GSPT1: variants seen among roughly 807,000 people sequenced by gnomAD.
GSPT1 encodes eukaryotic peptide chain release factor GTP-binding subunit ERF3A.
GSPT1 carries 20 observed loss-of-function variants against 72.5 expected under a neutral mutation model. The ratio of observed to expected loss-of-function variants is 0.28; its 90% CI spans 0.19 to 0.40. The LOEUF is 0.40. Ranked by LOEUF, GSPT1 falls within the 10% of genes least tolerant of loss-of-function variation. The pLI, the probability that GSPT1 is intolerant of heterozygous loss-of-function variation, is 1.00. For synonymous variants in GSPT1, 334 were observed against 293.5 expected, an observed-to-expected ratio of 1.14 and a Z score of -1.41; for missense variants, 580 against 811.9, an observed-to-expected ratio of 0.71 and a Z score of 3.47.
chr16:11,902,253 G>C (rs1367893506), intron 1 of GSPT1, among the ~76,000 whole-genome samples: 1 of 150,786 alleles, frequency 6.6e-6, no homozygotes, highest in African/African-American at 2.4e-5. Flanking sequence ...TTGGTGGCGG[G>C]CACCTGTAAT....
upstream of GSPT1, among the ~76,000 whole-genome samples, chr16:11,916,587 A>C (rs464017): frequency 0.063 from 9,558 of 152,204 alleles, 379 homozygotes; most frequent in South Asian, 0.16. Flanking sequence ...AGCTGATTTC[A>C]TTTTATGTAA....
At chr16:11,891,265 G>A in intron 5 of GSPT1, 126 bp from the exon 6 acceptor site, 1 of 323,862 alleles carries the variant, frequency 3.1e-6, no homozygotes, top group South Asian at 6.0e-5. Flanking sequence ...GTGTGTGTCT[G>A]TCTAAAAAAA....
chr16:11,902,046 A>T (rs1596472221), intron 1 of GSPT1, among the ~76,000 whole-genome samples: 1 of 149,720 alleles, frequency 6.7e-6, no homozygotes, highest in Non-Finnish European at 1.5e-5. Context: ...CTGAGATTGC[A>T]CCATCGCACT....
At position 11,873,084 on chromosome 16, in the gene GSPT1, C is replaced by A; in HGVS notation, c.*35G>T. On this transcript the variant is annotated 3_prime_UTR_variant, in exon 15 of 15. Transcript: ENST00000434724. The stretch of plus-strand genomic sequence containing the variant: ...GAAGTAGGCTTCTGCAGTCAATTTT[C>A]CTCACAGTATTGTGCAGGGTCATCA... 1 of 1,322,434 alleles carries A rather than the reference C, an allele frequency of 7.6e-7. No individual in the cohort carries two copies. The highest frequency in any genetic ancestry group is 1.1e-6 in the Non-Finnish European group (1 of 928,472). 81.9% of individuals were successfully genotyped at this position (1,322,434 alleles called of 1,614,324 possible).
At chr16:11,904,976 G>A (rs1365121390) in intron 1 of GSPT1, among the ~76,000 whole-genome samples, 7 of 152,158 alleles carry the variant, frequency 4.6e-5, no homozygotes, top group African/African-American at 1.4e-4. Context: ...TCCCACGCAG[G>A]AGAATCACTG....
chr16:11,869,862 G>A lies in GSPT1; in HGVS notation c.*3257C>T, dbSNP rs183463725. 30 of 152,242 alleles carry A rather than the reference G, an allele frequency of 2.0e-4. No homozygotes were observed. Among genetic ancestry groups the A allele is most frequent in the Admixed American group, 1.7e-3 (26 of 15,274 alleles). 9.4% of individuals were successfully genotyped at this position (152,242 alleles called of 1,614,324 possible). A position where few individuals can be genotyped will look rare whatever the true frequency, so the allele number is the denominator to read the frequency against. ...TCTTGGGAGCAGTTTTTGATCATAGGTTCAACTTTTTTCTTGGGTTGCAAA... is the reference window on the plus strand; with the variant it reads ...TCTTGGGAGCAGTTTTTGATCATAGATTCAACTTTTTTCTTGGGTTGCAAA... On this transcript the variant is annotated 3_prime_UTR_variant, in exon 15 of 15. Coordinates refer to ENST00000434724, the MANE Select transcript of GSPT1 (RefSeq NM_002094.4).
intron 1 of GSPT1, among the ~76,000 whole-genome samples, chr16:11,913,649 A>C (rs1245805259): frequency 6.6e-6 from 1 of 152,220 alleles, no homozygotes; most frequent in African/African-American, 2.4e-5. Flanking sequence ...CTCCACAGAA[A>C]GGAGGAAGAG....
intron 1 of GSPT1, among the ~76,000 whole-genome samples, chr16:11,905,489 G>A (rs1272104794): frequency 1.3e-5 from 2 of 152,070 alleles, no homozygotes; most frequent in Non-Finnish European, 2.9e-5. Flanking sequence ...CTACCCTGAA[G>A]GGCTAATGAT....
Position 11,894,989 on chromosome 16 carries a change from TA to T in GSPT1, c.665-3del. ...CTCCAATGGTTGACTTGCCAGCATC[TA>T]AAAGTAACATCAACATGCAAACCAT... On this transcript the variant is annotated splice_region_variant and splice_polypyrimidine_tract_variant and intron_variant, in intron 4 of 14. Coordinates refer to ENST00000434724, the MANE Select transcript of GSPT1 (RefSeq NM_002094.4). 1.3e-6 allele frequency: 2 copies of T among 1,586,690 alleles called. No individual in the cohort carries two copies. Among genetic ancestry groups the T allele is most frequent in the South Asian group, 1.1e-5 (1 of 88,072 alleles).
rs949339842 is a variant in GSPT1, at chr16:11,877,061, A to C, written c.1602+346T>G. Reference sequence around the variant, plus strand: ...AAACCTGTGTGATTTCTTGTCTGGAAAGCTATGTGCTGTCAATGAGCACAT... The same window carrying C: ...AAACCTGTGTGATTTCTTGTCTGGACAGCTATGTGCTGTCAATGAGCACAT... On this transcript the variant is annotated intron_variant, in intron 12 of 14. Transcript: ENST00000434724. The surrounding 1 kb of genome is among the most constrained non-coding windows in gnomAD (Gnocchi z 4.0). Among the ~76,000 whole-genome samples, 8 of 152,230 alleles carry C rather than the reference A, an allele frequency of 5.3e-5. No individual in the cohort carries two copies. Among genetic ancestry groups the C allele is most frequent in the Non-Finnish European group, 1.0e-4 (7 of 68,048 alleles).
intron 1 of GSPT1, chr16:11,914,858 G>A (rs2054609209): frequency 6.4e-6 from 3 of 469,440 alleles, no homozygotes; most frequent in African/African-American, 2.0e-5. Context: ...GGGGGCCACG[G>A]ACAGTTTAAA....
intron 11 of GSPT1, among the ~76,000 whole-genome samples, chr16:11,879,945 T>C (rs554272727): frequency 2.4e-4 from 36 of 152,296 alleles, no homozygotes; most frequent in African/African-American, 8.4e-4. Flanking sequence ...ATTTAAAATA[T>C]TGTACAACCA....
intron 3 of GSPT1, among the ~76,000 whole-genome samples, chr16:11,897,611 G>T (rs1209866582): frequency 1.3e-5 from 2 of 152,040 alleles, no homozygotes; most frequent in African/African-American, 2.4e-5. Flanking sequence ...ACAGGTACAG[G>T]TATTTAAATT....
intron 11 of GSPT1, 123 bp downstream of exon 11, chr16:11,882,892 G>A: frequency 1.6e-6 from 1 of 628,604 alleles, no homozygotes; most frequent in South Asian, 2.0e-5. Context: ...GAAAGTTTGA[G>A]GCTGCAATAA....
At chr16:11,874,675 G>A (rs1177387585) in intron 14 of GSPT1, among the ~76,000 whole-genome samples, 1 of 151,986 alleles carries the variant, frequency 6.6e-6, no homozygotes, top group Non-Finnish European at 1.5e-5. Flanking sequence ...GGCCTTTAAA[G>A]TAAAATAAAC....
Position 11,873,051 on chromosome 16 carries a change from G to A in GSPT1, c.*68C>T, listed in dbSNP as rs1200681354. 1.2e-5 allele frequency: 10 copies of A among 822,172 alleles called. No homozygotes were observed. Among genetic ancestry groups the A allele is most frequent in the Non-Finnish European group, 1.6e-5 (8 of 492,188 alleles). The allele number at this position is 822,172 out of a possible 1,614,324, so 50.9% of individuals were successfully genotyped here. On this transcript the variant is annotated 3_prime_UTR_variant, in exon 15 of 15. Coordinates refer to ENST00000434724, the MANE Select transcript of GSPT1 (RefSeq NM_002094.4). ...TATCAATGGGCAGAAAATAAGAGAA[G>A]GCGGTGTGAAGTAGGCTTCTGCAGT...
At chr16:11,897,314 T>C (rs1194823731) in intron 3 of GSPT1, among the ~76,000 whole-genome samples, 5 of 152,016 alleles carry the variant, frequency 3.3e-5, no homozygotes, top group Admixed American at 2.0e-4. Context: ...TGGCCGAGCA[T>C]GGTGGCTCAC....
At position 11,896,582 on chromosome 16, in the gene GSPT1, T is replaced by C. The variant is rs752569255; in HGVS notation, c.640A>G (p.Asn214Asp). Residue 214 changes from asparagine (N) to aspartate (D), a missense_variant, in exon 4 of 15, where the codon AAT (asparagine) becomes GAT (aspartate). Transcript: ENST00000434724. ...PPGAPKKEHV[N>D]VVFIGHVDAG... ...CCTACGTGCCCAATGAATACTACAT[T>C]TACATGCTCTTTCTTAGGAGCACCT... is the stretch of plus-strand genomic sequence containing the variant. The C allele has an allele frequency of 6.2e-7, 1 of 1,601,976 alleles. No individual in the cohort carries two copies. The highest frequency in any genetic ancestry group is 1.3e-5 in the African/African-American group (1 of 74,946).
At chr16:11,906,279 G>A (rs1261300802) in intron 1 of GSPT1, among the ~76,000 whole-genome samples, 1 of 152,132 alleles carries the variant, frequency 6.6e-6, no homozygotes, top group African/African-American at 2.4e-5. Context: ...GCTCAAGAGA[G>A]TGAAAACAAT....
Sources: gnomAD v4.1 joint callset for allele counts (sites outside exome capture counted in the v4.1 genomes callset) on GRCh38, gnomAD v4.1.1 for gene constraint, Gnocchi (gnomAD v3.1) non-coding constraint, MANE v1.5 for transcripts, NCBI Gene and HGNC (gene_info 2026-07-23, HGNC 2026-07-21) for gene names.